GBF1: variants seen among roughly 807,000 people sequenced by gnomAD.
GBF1 encodes golgi brefeldin A resistant guanine nucleotide exchange factor 1.
GBF1 carries 114 observed loss-of-function variants against 210.5 expected under a neutral mutation model. The observed-to-expected ratio is 0.54, with a 90% CI of 0.47 to 0.63. The LOEUF is 0.63. Among genes scored for constraint, GBF1 ranks in the 30% least tolerant of loss-of-function variants. The pLI is 0.00. For synonymous variants in GBF1, 850 were observed against 889.2 expected, an observed-to-expected ratio of 0.96 and a Z score of 0.78; for missense variants, 1,851 against 2,357.7, an observed-to-expected ratio of 0.79 and a Z score of 4.45.
intron 3 of GBF1, among the ~76,000 whole-genome samples, chr10:102,290,898 TC>T (rs1451232203): frequency 6.6e-6 from 1 of 152,232 alleles, no homozygotes; most frequent in Non-Finnish European, 1.5e-5. Context: ...TTTTCTAACT[TC>T]TCTTTAATTT....
At chr10:102,341,660 C>A (rs2058189874) in intron 3 of GBF1, among the ~76,000 whole-genome samples, 1 of 152,176 alleles carries the variant, frequency 6.6e-6, no homozygotes, top group African/African-American at 2.4e-5. Flanking sequence ...TTTCAGTCAT[C>A]ATGTTGAATG....
intron 3 of GBF1, among the ~76,000 whole-genome samples, chr10:102,301,870 G>A (rs545460733): frequency 6.6e-6 from 1 of 152,322 alleles, no homozygotes; most frequent in African/African-American, 2.4e-5. Context: ...GGTGGCGGCC[G>A]GGCAGAGGCT....
intron 3 of GBF1, among the ~76,000 whole-genome samples, chr10:102,310,198 T>G (rs1012190616): frequency 6.6e-5 from 10 of 152,214 alleles, no homozygotes; most frequent in Non-Finnish European, 1.3e-4. Context: ...GTAAAAAGTG[T>G]CAGTAGCTGA....
intron 4 of GBF1, among the ~76,000 whole-genome samples, chr10:102,346,606 C>G (rs138349906): frequency 3.3e-5 from 5 of 152,300 alleles, no homozygotes; most frequent in African/African-American, 1.2e-4. Flanking sequence ...CCTTCGGGCT[C>G]AGGTGATCCT....
intron 4 of GBF1, 125 bp downstream of exon 4, chr10:102,344,307 G>C: frequency 1.3e-6 from 1 of 783,284 alleles, no homozygotes; most frequent in Non-Finnish European, 2.1e-6. Flanking sequence ...TTTTCTTGTA[G>C]AAGAGAAATA....
chr10:102,238,046 T>C, the GBF1 span, among the ~76,000 whole-genome samples: 1 of 152,060 alleles, frequency 6.6e-6, no homozygotes, highest in African/African-American at 2.4e-5. Flanking sequence ...AACTATTAAC[T>C]GAAAGGTGTA....
chr10:102,249,751 G>A (rs1402267195), intron 1 of GBF1, among the ~76,000 whole-genome samples: 2 of 151,122 alleles, frequency 1.3e-5, no homozygotes, highest in African/African-American at 4.9e-5. Flanking sequence ...GAGTGCAGTG[G>A]TGTGATCTTG....
In GBF1 at chr10:102,375,599, A is replaced by G. The variant is rs759725393; in HGVS notation, c.3886+15A>G. 1.1e-5 allele frequency: 16 copies of G among 1,522,882 alleles called. No homozygotes were observed. The highest frequency in any genetic ancestry group is 1.4e-5 in the African/African-American group (1 of 73,388). 94.3% of individuals were successfully genotyped at this position (1,522,882 alleles called of 1,614,324 possible). Reference sequence around the variant, plus strand: ...ACCTGATGCCGGTAAGCCCTTTCCCAGGGAGACTCAGGCTGGCAGATAAAC... The same window carrying G: ...ACCTGATGCCGGTAAGCCCTTTCCCGGGGAGACTCAGGCTGGCAGATAAAC... On this transcript the variant is annotated intron_variant, in intron 30 of 39. Coordinates refer to ENST00000369983, the MANE Select transcript of GBF1 (RefSeq NM_001377137.1).
intron 3 of GBF1, among the ~76,000 whole-genome samples, chr10:102,321,630 C>T (rs2056405040): frequency 6.6e-6 from 1 of 151,776 alleles, no homozygotes; most frequent in Admixed American, 6.6e-5. Flanking sequence ...AGTATAATGG[C>T]ACGATCTCAG....
At chr10:102,344,212 C>T (rs1297176296) in intron 4 of GBF1, 30 bp downstream of exon 4, 2 of 1,610,552 alleles carry the variant, frequency 1.2e-6, no homozygotes, top group African/African-American at 1.3e-5. Flanking sequence ...TGCATGACCA[C>T]AGCACTTCAT....
chr10:102,254,832 T>C (rs1435837739), intron 1 of GBF1, among the ~76,000 whole-genome samples: 2 of 152,132 alleles, frequency 1.3e-5, no homozygotes, highest in East Asian at 1.9e-4. Context: ...TACTATACTT[T>C]TATGAGGTTT....
At chr10:102,289,919 G>C (rs567848742) in intron 3 of GBF1, among the ~76,000 whole-genome samples, 2 of 152,062 alleles carry the variant, frequency 1.3e-5, no homozygotes, top group Non-Finnish European at 2.9e-5. Context: ...AGACCAGCCT[G>C]GGCAACATAG....
chr10:102,374,517 T>G (rs1023311492), intron 29 of GBF1, among the ~76,000 whole-genome samples: 10 of 151,584 alleles, frequency 6.6e-5, no homozygotes, highest in Non-Finnish European at 1.0e-4. Flanking sequence ...CCCAGGAGTT[T>G]GAGGCTGCTG....
At chr10:102,322,161 G>A (rs2134177899) in intron 3 of GBF1, among the ~76,000 whole-genome samples, 1 of 152,268 alleles carries the variant, frequency 6.6e-6, no homozygotes, top group South Asian at 2.1e-4. Context: ...CACCATGCCT[G>A]GCCTCATTAG....
At chr10:102,321,619 G>A (rs1244894605) in intron 3 of GBF1, among the ~76,000 whole-genome samples, 1 of 152,178 alleles carries the variant, frequency 6.6e-6, no homozygotes, top group East Asian at 1.9e-4. Flanking sequence ...ACCCAGGCTG[G>A]AGTATAATGG....
At chr10:102,261,235 TTGTGTGTGTGTGTG>T (rs34325175) in intron 3 of GBF1, among the ~76,000 whole-genome samples, 8,007 of 150,198 alleles carry the variant, frequency 0.053, 434 homozygotes, top group African/African-American at 0.14. Flanking sequence ...TACCTTATAT[TTGTGTGTGTGTGTG>T]TGTGTGTGTT....
chr10:102,285,145 T>C (rs1201404342), intron 3 of GBF1, among the ~76,000 whole-genome samples: 1 of 152,240 alleles, frequency 6.6e-6, no homozygotes, highest in East Asian at 1.9e-4. Flanking sequence ...ACACAGATTT[T>C]ACAGATTTTA....
rs2059574151 is a variant in GBF1 at position 102,361,031 on chromosome 10, A to G, written c.1402A>G (p.Ile468Val). The change falls in exon 13 of 40, where the codon ATA (isoleucine) becomes GTA (valine). Residue 468 changes from isoleucine to valine, a missense_variant. This residue lies in a region of GBF1 where 804 missense variants were observed against 958.6 expected (regional missense o/e 0.84). Transcript: ENST00000369983. ...MCRHLFQLLS[I>V]ERLNLYAASL... ...CTGCTCTCATCTCCAGCTACTCAGCATAGAGCGACTAAACCTTTATGCTGC... is the reference window on the plus strand; with the variant it reads ...CTGCTCTCATCTCCAGCTACTCAGCGTAGAGCGACTAAACCTTTATGCTGC... The G allele has an allele frequency of 6.4e-7, 1 of 1,562,720 alleles. No homozygotes were observed. The highest frequency in any genetic ancestry group is 2.2e-5 in the East Asian group (1 of 44,656).
At chr10:102,347,373 C>G (rs944373724) in intron 4 of GBF1, among the ~76,000 whole-genome samples, 13 of 152,208 alleles carry the variant, frequency 8.5e-5, no homozygotes, top group African/African-American at 3.1e-4. Context: ...TAAACAAAAT[C>G]AGGCCCAGCC....
Sources: allele counts gnomAD v4.1 joint callset (sites outside exome capture counted in the v4.1 genomes callset), GRCh38; gene constraint gnomAD v4.1.1; regional missense constraint gnomAD v4.1.1; transcripts MANE v1.5; gene names NCBI Gene and HGNC (gene_info 2026-07-23, HGNC 2026-07-21).